Variants in CDH12 observed in about 807,000 individuals in gnomAD.
The protein encoded by CDH12 is cadherin 12, also known as cadherin-12.
CDH12 carries 41 observed loss-of-function variants against 74.1 expected under a neutral mutation model. That is an observed-to-expected ratio of 0.55 (90% CI 0.43 to 0.72). CDH12 has a LOEUF of 0.72. Among genes scored for constraint, CDH12 ranks in the 30% least tolerant of loss-of-function variants. The pLI, the probability that CDH12 is intolerant of heterozygous loss-of-function variation, is 0.00. For synonymous variants in CDH12, 399 were observed against 355.0 expected, an observed-to-expected ratio of 1.12 and a Z score of -1.39; for missense variants, 945 against 977.2, an observed-to-expected ratio of 0.97 and a Z score of 0.44.
chr5:22,622,669 G>A (rs2126842771), intron 1 of CDH12, among the ~76,000 whole-genome samples: 1 of 149,102 alleles, frequency 6.7e-6, no homozygotes, highest in African/African-American at 2.5e-5. Flanking sequence ...CTGAAATTGA[G>A]GCAATAATTA....
At chr5:22,772,606 T>A (rs1025843563) in intron 1 of CDH12, among the ~76,000 whole-genome samples, 19 of 152,134 alleles carry the variant, frequency 1.2e-4, no homozygotes, top group African/African-American at 3.4e-4. Flanking sequence ...ACGTTTTTTT[T>A]AAATAAACAA....
At chr5:22,828,602 G>A (rs1466681456) in intron 1 of CDH12, among the ~76,000 whole-genome samples, 4 of 152,136 alleles carry the variant, frequency 2.6e-5, no homozygotes, top group South Asian at 2.1e-4. Flanking sequence ...AATAAAGTCC[G>A]CTGAAGGAAT....
intron 6 of CDH12, among the ~76,000 whole-genome samples, chr5:21,917,488 T>G (rs1454751235): frequency 2.6e-5 from 4 of 152,248 alleles, no homozygotes; most frequent in Non-Finnish European, 5.9e-5. Flanking sequence ...TTCTGTTACA[T>G]TCTTAGCTCC....
intron 3 of CDH12, among the ~76,000 whole-genome samples, chr5:22,228,539 TAAAG>T (rs779416192): frequency 6.6e-6 from 1 of 152,196 alleles, no homozygotes; most frequent in South Asian, 2.1e-4. Context: ...TGTAAATAGA[TAAAG>T]AACTCATGTT....
At chr5:22,083,909 T>G (rs1580222991) in intron 4 of CDH12, among the ~76,000 whole-genome samples, 1 of 152,190 alleles carries the variant, frequency 6.6e-6, no homozygotes, top group East Asian at 1.9e-4. Flanking sequence ...ATTTCAATAC[T>G]GGGCAGCTTA....
intron 2 of CDH12, among the ~76,000 whole-genome samples, chr5:22,445,799 G>T (rs1744794637): frequency 6.6e-6 from 1 of 152,092 alleles, no homozygotes. Context: ...CTCTAAGGTA[G>T]CTCTGTGTTA....
At chr5:21,915,314 T>C (rs1754037343) in intron 6 of CDH12, among the ~76,000 whole-genome samples, 2 of 152,062 alleles carry the variant, frequency 1.3e-5, no homozygotes. Context: ...TTTAGTAGTA[T>C]GTAGAGAAGA....
At chr5:21,848,890 C>T (rs941100907) in intron 7 of CDH12, among the ~76,000 whole-genome samples, 1 of 151,776 alleles carries the variant, frequency 6.6e-6, no homozygotes, top group Non-Finnish European at 1.5e-5. Flanking sequence ...GCTCCCCCTA[C>T]TAGATAGGGA....
At chr5:22,678,530 T>C (rs1293355880) in intron 1 of CDH12, among the ~76,000 whole-genome samples, 2 of 152,114 alleles carry the variant, frequency 1.3e-5, no homozygotes, top group African/African-American at 4.8e-5. Flanking sequence ...TCTGAAAGCA[T>C]TCAAAACATG....
At chr5:22,334,556 G>A (rs1739492880) in intron 3 of CDH12, among the ~76,000 whole-genome samples, 1 of 151,956 alleles carries the variant, frequency 6.6e-6, no homozygotes. Flanking sequence ...AAAGCATCCT[G>A]AACAAAAAGA....
intron 5 of CDH12, among the ~76,000 whole-genome samples, chr5:22,018,949 G>C (rs1737786271): frequency 6.6e-6 from 1 of 152,022 alleles, no homozygotes; most frequent in Non-Finnish European, 1.5e-5. Context: ...GCATGTGCCT[G>C]TAATCTCAGC....
intron 3 of CDH12, among the ~76,000 whole-genome samples, chr5:22,315,119 C>CTT (rs70959715): frequency 0.6 from 13,668 of 22,804 alleles, 5,905 homozygotes; most frequent in Non-Finnish European, 0.72. Context: ...GCCTGCCTGG[C>CTT]TTTTTTTTTT....
chr5:22,799,257 G>A (rs536384119), intron 1 of CDH12, among the ~76,000 whole-genome samples: 36 of 152,204 alleles, frequency 2.4e-4, no homozygotes, highest in Non-Finnish European at 3.4e-4. Flanking sequence ...TTTAGCACTT[G>A]CTAAAGAATT....
chr5:21,889,233 T>G (rs535802192), intron 6 of CDH12, among the ~76,000 whole-genome samples: 1 of 152,156 alleles, frequency 6.6e-6, no homozygotes, highest in African/African-American at 2.4e-5. Context: ...ACATTAAAAA[T>G]GTTTACTATC....
intron 3 of CDH12, among the ~76,000 whole-genome samples, chr5:22,263,459 GTATT>G (rs762146600): frequency 3.2e-4 from 48 of 152,172 alleles, no homozygotes; most frequent in Non-Finnish European, 6.6e-4. Context: ...CTATTATAAA[GTATT>G]TAATGTTAGG....
chr5:22,702,298 G>T (rs536061866), intron 1 of CDH12, among the ~76,000 whole-genome samples: 2 of 152,218 alleles, frequency 1.3e-5, no homozygotes, highest in East Asian at 1.9e-4. Context: ...ATGGTAAGGG[G>T]TGTGTTTAGA....
chr5:22,534,590 G>A (rs1737744106), intron 1 of CDH12, among the ~76,000 whole-genome samples: 1 of 152,100 alleles, frequency 6.6e-6, no homozygotes, highest in South Asian at 2.1e-4. Context: ...CTGTGAGGAT[G>A]TCCAAGTTAG....
chr5:22,324,318 T>C (rs531276580), intron 3 of CDH12, among the ~76,000 whole-genome samples: 1 of 152,240 alleles, frequency 6.6e-6, no homozygotes, highest in East Asian at 1.9e-4. Flanking sequence ...TATATTTATG[T>C]ATAAATCATT....
intron 2 of CDH12, among the ~76,000 whole-genome samples, chr5:22,496,245 C>G: frequency 6.6e-6 from 1 of 152,114 alleles, no homozygotes. Flanking sequence ...GTCCAGGCAA[C>G]CCTAAAAGGC....
Sources: allele counts gnomAD v4.1 joint callset (sites outside exome capture counted in the v4.1 genomes callset), GRCh38; gene constraint gnomAD v4.1.1; transcripts MANE v1.5; gene names NCBI Gene and HGNC (gene_info 2026-07-23, HGNC 2026-07-21).